EHF: variants seen among roughly 807,000 people sequenced by gnomAD.
EHF encodes ESE3 transcription factor.
In EHF, 14 loss-of-function variants were observed where a neutral mutation model predicts 45.1. That is an observed-to-expected ratio of 0.31 (90% CI 0.21 to 0.49). The LOEUF is 0.49. EHF is among the 20% of genes least tolerant of loss of function. The pLI, the probability that EHF is intolerant of heterozygous loss-of-function variation, is 0.99. For synonymous variants in EHF, 136 were observed against 131.8 expected (o/e 1.03, Z -0.22); for missense variants, 282 against 371.4 (o/e 0.76, Z 1.98).
At chr11:34,629,585 T>G (rs1348746010) in intron 1 of EHF, among the ~76,000 whole-genome samples, 1 of 152,236 alleles carries the variant, frequency 6.6e-6, no homozygotes, top group Non-Finnish European at 1.5e-5. Flanking sequence ...CTCATGAAGT[T>G]CTGTTGGTGT....
intron 1 of EHF, among the ~76,000 whole-genome samples, chr11:34,633,449 G>C (rs1177024855): frequency 6.6e-6 from 1 of 152,148 alleles, no homozygotes; most frequent in Non-Finnish European, 1.5e-5. Context: ...AATCTCAATG[G>C]CGAGAGTGTT....
At chr11:34,643,065 GGTATGT>G (rs746474065) in intron 2 of EHF, among the ~76,000 whole-genome samples, 1 of 144,936 alleles carries the variant, frequency 6.9e-6, no homozygotes, top group African/African-American at 2.7e-5. Flanking sequence ...GGAGAGAAAG[GGTATGT>G]GTGTGTGTGT....
At chr11:34,632,534 A>T in intron 1 of EHF, 1 of 1,535,470 alleles carries the variant, frequency 6.5e-7, no homozygotes. Context: ...ACTCAGAAGC[A>T]TTATCCTCTC....
chr11:34,650,272 G>T (rs1332904363), intron 4 of EHF, among the ~76,000 whole-genome samples: 1 of 152,198 alleles, frequency 6.6e-6, no homozygotes, highest in Admixed American at 6.5e-5. Context: ...TGGAGAAGAA[G>T]GTCCACCCTA....
intron 1 of EHF, chr11:34,631,731 G>C (rs1852907816): frequency 9.1e-6 from 2 of 219,266 alleles, no homozygotes; most frequent in Non-Finnish European, 1.5e-5. Flanking sequence ...AGGATGTCTG[G>C]GGGAGAGGCT....
chr11:34,651,829 C>G, intron 6 of EHF, 24 bp downstream of exon 6: 1 of 1,605,662 alleles, frequency 6.2e-7, no homozygotes, highest in African/African-American at 1.3e-5. Flanking sequence ...ACATCTGAGG[C>G]TGGGTATGCC....
At chr11:34,632,745 T>G in intron 1 of EHF, 2 of 1,444,412 alleles carry the variant, frequency 1.4e-6, no homozygotes, top group Non-Finnish European at 1.9e-6. Context: ...TGAGCTCAGA[T>G]GACTTTGGAA....
chr11:34,645,743 G>T (rs1444807067), intron 2 of EHF, among the ~76,000 whole-genome samples: 2 of 152,200 alleles, frequency 1.3e-5, no homozygotes, highest in African/African-American at 2.4e-5. Context: ...GAACAGCATA[G>T]AGAAAAGACA....
At position 34,662,794 on chromosome 11, in the gene EHF, G is replaced by A. The variant is rs1025116713; in HGVS notation, c.*3863G>A. On this transcript the variant is annotated 3_prime_UTR_variant, in exon 9 of 9. Transcript: ENST00000257831. ...CACGGCATGGGCCCATATGTGTGAGGAGCTTGTCTAATTATGTAGGAAGCA... is the reference window on the plus strand; with the variant it reads ...CACGGCATGGGCCCATATGTGTGAGAAGCTTGTCTAATTATGTAGGAAGCA... Among the ~76,000 whole-genome samples, 3 of 152,074 alleles carry A rather than the reference G, an allele frequency of 2.0e-5. No homozygotes were observed. Among genetic ancestry groups the A allele is most frequent in the Non-Finnish European group, 1.5e-5 (1 of 68,000 alleles).
chr11:34,632,118 T>G (rs1173638516), intron 1 of EHF, among the ~76,000 whole-genome samples: 1 of 152,208 alleles, frequency 6.6e-6, no homozygotes, highest in Non-Finnish European at 1.5e-5. Flanking sequence ...TTTTCTTTGG[T>G]TTTTATAGGA....
intron 1 of EHF, chr11:34,632,367 C>A: frequency 2.0e-6 from 2 of 981,574 alleles, no homozygotes; most frequent in Non-Finnish European, 2.8e-6. Context: ...GAATTAACAG[C>A]TCTGTTTACG....
At chr11:34,624,616 C>T (rs1852210548) in intron 1 of EHF, among the ~76,000 whole-genome samples, 1 of 152,192 alleles carries the variant, frequency 6.6e-6, no homozygotes, top group Non-Finnish European at 1.5e-5. Context: ...AGGAGAATGG[C>T]TCCTCACCAC....
At chr11:34,623,538 C>T (rs1852128880) in intron 1 of EHF, among the ~76,000 whole-genome samples, 1 of 152,196 alleles carries the variant, frequency 6.6e-6, no homozygotes, top group African/African-American at 2.4e-5. Flanking sequence ...CAACTTTACC[C>T]TGATCTTCTT....
At chr11:34,648,346 A>AATATATAT (rs34971776) in intron 3 of EHF, among the ~76,000 whole-genome samples, 19 of 147,698 alleles carry the variant, frequency 1.3e-4, no homozygotes, top group African/African-American at 4.0e-4. Context: ...TGCATTTACA[A>AATATATAT]ATATATATAT....
chr11:34,652,105 T>G (rs1855229590), intron 6 of EHF, among the ~76,000 whole-genome samples: 1 of 152,244 alleles, frequency 6.6e-6, no homozygotes, highest in Non-Finnish European at 1.5e-5. Flanking sequence ...GCAATATAGC[T>G]GCTAAAATTA....
chr11:34,650,113 G>A (rs1461802577), intron 4 of EHF, among the ~76,000 whole-genome samples: 1 of 152,224 alleles, frequency 6.6e-6, no homozygotes, highest in Non-Finnish European at 1.5e-5. Context: ...TTGGTCAGGA[G>A]GATGGCACCC....
intron 3 of EHF, among the ~76,000 whole-genome samples, chr11:34,647,543 C>A (rs286900): frequency 0.22 from 33,006 of 152,198 alleles, 4,177 homozygotes; most frequent in East Asian, 0.47. Context: ...GAACTATGGG[C>A]ATCCTGAAAA....
intron 1 of EHF, among the ~76,000 whole-genome samples, chr11:34,636,874 A>G (rs1853466683): frequency 6.6e-6 from 1 of 152,118 alleles, no homozygotes; most frequent in Non-Finnish European, 1.5e-5. Context: ...TACTAAAAAT[A>G]CAAAATTAGC....
intron 1 of EHF, chr11:34,622,059 A>G (rs1352506121): frequency 6.3e-6 from 1 of 159,004 alleles, no homozygotes; most frequent in Non-Finnish European, 1.4e-5. Flanking sequence ...GTGACTCAGC[A>G]GCAACAAATG....
Sources: gnomAD v4.1 joint callset for allele counts (sites outside exome capture counted in the v4.1 genomes callset) on GRCh38, gnomAD v4.1.1 for gene constraint, MANE v1.5 for transcripts, NCBI Gene and HGNC (gene_info 2026-07-23, HGNC 2026-07-21) for gene names.